TRAPPC9: variants seen among roughly 807,000 people sequenced by gnomAD.
The protein encoded by TRAPPC9 is trafficking protein particle complex subunit 9, also known as IKK2 binding protein.
TRAPPC9 carries 83 observed loss-of-function variants against 124.0 expected under a neutral mutation model. That is an observed-to-expected ratio of 0.67 (90% CI 0.56 to 0.80). The LOEUF (loss-of-function observed/expected upper bound fraction) is 0.80, where lower values mean the gene tolerates loss of function less well. Among genes scored for constraint, TRAPPC9 ranks in the 30% least tolerant of loss-of-function variants. The pLI is 0.00. For synonymous variants in TRAPPC9, 638 were observed against 617.5 expected (o/e 1.03, Z -0.49); for missense variants, 1,302 against 1,508.3 (o/e 0.86, Z 2.27).
At chr8:140,450,324 G>T (rs1377670392) in intron 2 of TRAPPC9, among the ~76,000 whole-genome samples, 1 of 152,152 alleles carries the variant, frequency 6.6e-6, no homozygotes, top group Non-Finnish European at 1.5e-5. Flanking sequence ...TCGCGCCACT[G>T]CACTCCAGCC....
Position 140,345,432 on chromosome 8 carries a change from G to A in TRAPPC9, c.1495+14618C>T, listed in dbSNP as rs75500978. 3.2e-3 allele frequency among the ~76,000 whole-genome samples: 488 copies of A among 152,232 alleles called. 1 individual carries two copies. The highest frequency in any genetic ancestry group is 0.01 in the African/African-American group (431 of 41,552). On this transcript the variant is annotated intron_variant, in intron 9 of 22. Coordinates refer to ENST00000438773, the MANE Select transcript of TRAPPC9 (RefSeq NM_001160372.4). ...GAAGTAGCAACGGAAAATGATGCCC[G>A]TCCCATCTCTGGGCCCTGAGGTCCT...
intron 11 of TRAPPC9, among the ~76,000 whole-genome samples, chr8:140,292,875 T>C (rs2065700940): frequency 7.0e-6 from 1 of 142,820 alleles, no homozygotes; most frequent in Non-Finnish European, 1.5e-5. Context: ...GGGATCTAAT[T>C]AAACTAAAGA....
intron 9 of TRAPPC9, among the ~76,000 whole-genome samples, chr8:140,349,341 G>C (rs868161418): frequency 6.9e-6 from 1 of 145,204 alleles, no homozygotes; most frequent in Admixed American, 6.8e-5. Flanking sequence ...CAAGGGGGCC[G>C]AAGGGGGCGC....
chr8:140,315,109 G>C (rs532350687), intron 9 of TRAPPC9, among the ~76,000 whole-genome samples: 2 of 152,100 alleles, frequency 1.3e-5, no homozygotes, highest in Admixed American at 1.3e-4. Context: ...TTCATCTTTT[G>C]ACTTTTTGAT....
At chr8:140,273,512 A>G (rs1317812281) in intron 15 of TRAPPC9, among the ~76,000 whole-genome samples, 1 of 152,208 alleles carries the variant, frequency 6.6e-6, no homozygotes, top group Non-Finnish European at 1.5e-5. Context: ...TGAGGCTTGC[A>G]GTGAAGCCTT....
intron 9 of TRAPPC9, among the ~76,000 whole-genome samples, chr8:140,348,018 G>C (rs2067402715): frequency 6.6e-6 from 1 of 152,340 alleles, no homozygotes; most frequent in East Asian, 1.9e-4. Context: ...AGAAGAATTT[G>C]CCATCGGCAA....
chr8:139,975,035 A>T (rs1836349761), intron 19 of TRAPPC9, among the ~76,000 whole-genome samples: 1 of 152,172 alleles, frequency 6.6e-6, no homozygotes, highest in Admixed American at 6.5e-5. Flanking sequence ...CCTTGTCTCC[A>T]GACTGCCTCT....
chr8:140,033,057 A>G (rs937753202), intron 17 of TRAPPC9, among the ~76,000 whole-genome samples: 9 of 151,910 alleles, frequency 5.9e-5, no homozygotes, highest in African/African-American at 2.2e-4. Context: ...TCATTTCCCT[A>G]TTTTTTTAAT....
At chr8:139,911,636 CG>C (rs2131284353) in intron 19 of TRAPPC9, among the ~76,000 whole-genome samples, 1 of 151,308 alleles carries the variant, frequency 6.6e-6, no homozygotes, top group East Asian at 1.9e-4. Flanking sequence ...ACCAAGGAGG[CG>C]GAAGTTGCAG....
chr8:140,408,184 C>CCATA (rs765480287), intron 5 of TRAPPC9, among the ~76,000 whole-genome samples: 16 of 152,016 alleles, frequency 1.1e-4, no homozygotes, highest in Non-Finnish European at 2.4e-4. Flanking sequence ...CCATCAAGAC[C>CCATA]CATAGCCTGT....
At chr8:140,434,761 G>A (rs893725580) in intron 4 of TRAPPC9, among the ~76,000 whole-genome samples, 17 of 152,086 alleles carry the variant, frequency 1.1e-4, no homozygotes, top group African/African-American at 4.1e-4. Flanking sequence ...ACGAGGTCAA[G>A]CATTCGAGAC....
chr8:140,126,062 G>A (rs760242542), intron 17 of TRAPPC9, among the ~76,000 whole-genome samples: 3 of 152,080 alleles, frequency 2.0e-5, no homozygotes, highest in Non-Finnish European at 4.4e-5. Flanking sequence ...ATGAGCCACA[G>A]CACCAAGCCT....
At chr8:139,799,163 C>T (rs1397683496) in intron 21 of TRAPPC9, among the ~76,000 whole-genome samples, 2 of 152,010 alleles carry the variant, frequency 1.3e-5, no homozygotes, top group East Asian at 1.9e-4. Flanking sequence ...TAGGATCCTG[C>T]GGGTAGATCT....
chr8:139,893,024 G>C lies in TRAPPC9; in HGVS notation c.2965-7055C>G, dbSNP rs183640663. ...GGTCAGGAGGATGAAAAGATAGAGG[G>C]GAAGGCTTTCAACCTTACTGATGCT... is the stretch of plus-strand genomic sequence containing the variant. On this transcript the variant is annotated intron_variant, in intron 20 of 22. Transcript: ENST00000438773. Among the ~76,000 whole-genome samples, 3 of 152,296 alleles carry C rather than the reference G, an allele frequency of 2.0e-5. No individual in the cohort carries two copies. In the East Asian group the frequency reaches 5.8e-4, roughly 29 times the overall value.
At chr8:140,271,358 T>C (rs1810640748) in intron 15 of TRAPPC9, among the ~76,000 whole-genome samples, 2 of 152,192 alleles carry the variant, frequency 1.3e-5, no homozygotes, top group African/African-American at 4.8e-5. Context: ...GAAAAAATGA[T>C]TAAATGAACC....
At chr8:140,348,456 G>C (rs2067415041) in intron 9 of TRAPPC9, among the ~76,000 whole-genome samples, 1 of 152,164 alleles carries the variant, frequency 6.6e-6, no homozygotes, top group African/African-American at 2.4e-5. Flanking sequence ...GCATCCAGCA[G>C]TGTCTCAACA....
chr8:139,759,209 G>A (rs1342324058), intron 21 of TRAPPC9, among the ~76,000 whole-genome samples: 1 of 152,204 alleles, frequency 6.6e-6, no homozygotes, highest in Non-Finnish European at 1.5e-5. Context: ...GGCAGAGCTG[G>A]AGTCTGAACC....
At chr8:139,996,354 C>T (rs1837997033) in intron 18 of TRAPPC9, among the ~76,000 whole-genome samples, 2 of 151,960 alleles carry the variant, frequency 1.3e-5, no homozygotes. Flanking sequence ...AATAATCATA[C>T]TACCCAAGTG....
chr8:139,945,638 G>A (rs1038349834), intron 19 of TRAPPC9, among the ~76,000 whole-genome samples: 2 of 150,438 alleles, frequency 1.3e-5, no homozygotes, highest in Admixed American at 6.6e-5. Context: ...CAGAGCTGGT[G>A]TGCAGACAGC....
Sources: allele counts gnomAD v4.1 joint callset (sites outside exome capture counted in the v4.1 genomes callset), GRCh38; gene constraint gnomAD v4.1.1; transcripts MANE v1.5; gene names NCBI Gene and HGNC (gene_info 2026-07-23, HGNC 2026-07-21).